Variants in ASAP2 observed in about 807,000 individuals in gnomAD.
The protein encoded by ASAP2 is ArfGAP with SH3 domain, ankyrin repeat and PH domain 2.
In ASAP2, 45 loss-of-function variants were observed where a neutral mutation model predicts 131.4. The ratio of observed to expected loss-of-function variants is 0.34; its 90% CI spans 0.27 to 0.44. The LOEUF is 0.44. Ranked by LOEUF, ASAP2 falls within the 20% of genes least tolerant of loss-of-function variation. ASAP2 has a pLI of 1.00. For missense variants in ASAP2, 1,011 were observed against 1,297.0 expected (o/e 0.78, Z 3.39); for synonymous variants, 510 against 503.0 (o/e 1.01, Z -0.19).
chr2:9,378,397 A>G (rs2148728900), intron 18 of ASAP2, among the ~76,000 whole-genome samples: 1 of 152,314 alleles, frequency 6.6e-6, no homozygotes, highest in South Asian at 2.1e-4. Context: ...TTCAGAGGGT[A>G]TTCCCAGGGC....
intron 1 of ASAP2, among the ~76,000 whole-genome samples, chr2:9,236,945 G>A (rs1173488860): frequency 6.6e-6 from 1 of 152,170 alleles, no homozygotes; most frequent in Admixed American, 6.5e-5. Context: ...GGCTGGTGTG[G>A]GTACCAGGCA....
intron 12 of ASAP2, among the ~76,000 whole-genome samples, chr2:9,354,964 T>C (rs539721288): frequency 9.7e-4 from 148 of 152,342 alleles, no homozygotes; most frequent in Non-Finnish European, 1.2e-3. Context: ...CTGCCCCTGC[T>C]TTTCTTTATT....
intron 6 of ASAP2, among the ~76,000 whole-genome samples, chr2:9,326,394 C>T (rs538508104): frequency 6.6e-6 from 1 of 152,166 alleles, no homozygotes; most frequent in East Asian, 1.9e-4. Context: ...GCTATGGAGC[C>T]CTTTCTTCAA....
intron 1 of ASAP2, among the ~76,000 whole-genome samples, chr2:9,246,464 C>T (rs1346719516): frequency 6.6e-6 from 1 of 151,990 alleles, no homozygotes; most frequent in Non-Finnish European, 1.5e-5. Flanking sequence ...TTTTTTAAAA[C>T]AATTTTTTGT....
chr2:9,349,295 C>A (rs1054127381), intron 11 of ASAP2, among the ~76,000 whole-genome samples: 12 of 152,082 alleles, frequency 7.9e-5, no homozygotes, highest in Non-Finnish European at 1.2e-4. Flanking sequence ...TTGGAAGTAG[C>A]CCTAAAATTT....
chr2:9,272,873 A>G (rs954296276), intron 1 of ASAP2, among the ~76,000 whole-genome samples: 1 of 151,948 alleles, frequency 6.6e-6, no homozygotes, highest in Admixed American at 6.6e-5. Flanking sequence ...AAATGTATGG[A>G]TTTATTTCTG....
chr2:9,351,623 G>A (rs959023304), intron 12 of ASAP2, among the ~76,000 whole-genome samples: 2 of 152,182 alleles, frequency 1.3e-5, no homozygotes, highest in Non-Finnish European at 2.9e-5. Flanking sequence ...AGAGGACCAC[G>A]CCGGACTGTG....
intron 21 of ASAP2, among the ~76,000 whole-genome samples, chr2:9,386,231 T>G (rs570580151): frequency 6.6e-6 from 1 of 152,174 alleles, no homozygotes; most frequent in South Asian, 2.1e-4. Flanking sequence ...GGTAACCAGA[T>G]GGCATTTCTG....
intron 1 of ASAP2, among the ~76,000 whole-genome samples, chr2:9,261,463 A>G (rs1357063116): frequency 6.6e-6 from 1 of 152,234 alleles, no homozygotes; most frequent in Non-Finnish European, 1.5e-5. Context: ...TGCAGTAAAG[A>G]TAATGGAAGT....
intron 24 of ASAP2, chr2:9,399,595 A>G: frequency 5.8e-6 from 1 of 172,828 alleles, no homozygotes. Flanking sequence ...GGGACGGCAG[A>G]GGCATGGACA....
At chr2:9,295,900 A>C (rs1668121198) in intron 2 of ASAP2, among the ~76,000 whole-genome samples, 1 of 152,244 alleles carries the variant, frequency 6.6e-6, no homozygotes, top group Non-Finnish European at 1.5e-5. Context: ...CAGACCATTC[A>C]TAGGTCATAG....
In ASAP2 at chr2:9,404,760, A is replaced by G. The variant is rs1270233477; in HGVS notation, c.*1433A>G. 6.7e-6 allele frequency: 1 copy of G among 148,556 alleles called. No individual in the cohort carries two copies. The highest frequency in any genetic ancestry group is 6.7e-5 in the Admixed American group (1 of 14,904). The allele number at this position is 148,556 out of a possible 1,614,324, so 9.2% of individuals were successfully genotyped here. A position where few individuals can be genotyped will look rare whatever the true frequency, so the allele number is the denominator to read the frequency against. The stretch of plus-strand genomic sequence containing the variant: ...GAGTTTTTTTTTTTTTTGGCATTGT[A>G]CTTTTTGTTTTTGTTATAAAGGAAG... On this transcript the variant is annotated 3_prime_UTR_variant, in exon 28 of 28. Coordinates refer to ENST00000281419, the MANE Select transcript of ASAP2 (RefSeq NM_003887.3).
intron 11 of ASAP2, among the ~76,000 whole-genome samples, chr2:9,349,345 T>C (rs867125533): frequency 4.6e-4 from 70 of 152,212 alleles, no homozygotes; most frequent in Admixed American, 2.1e-3. Context: ...GGTAACAGAA[T>C]AGACACAGGC....
intron 18 of ASAP2, among the ~76,000 whole-genome samples, 159 bp from the exon 19 acceptor site, chr2:9,378,785 G>A (rs558900350): frequency 1.3e-5 from 2 of 152,334 alleles, no homozygotes; most frequent in African/African-American, 2.4e-5. Flanking sequence ...AGGCAGGGAC[G>A]GTGCCAGGTC....
intron 1 of ASAP2, among the ~76,000 whole-genome samples, chr2:9,241,643 A>G (rs890698336): frequency 6.6e-6 from 1 of 152,218 alleles, no homozygotes; most frequent in South Asian, 2.1e-4. Flanking sequence ...ACCAGGCTCA[A>G]ACAACAACAA....
Position 9,404,454 on chromosome 2 carries a change from G to GATT in ASAP2, c.*1129_*1131dup, listed in dbSNP as rs1677019376. 1 of 152,166 alleles carries GATT rather than the reference G, an allele frequency of 6.6e-6. No homozygotes were observed. Among genetic ancestry groups the GATT allele is most frequent in the Admixed American group, 6.5e-5 (1 of 15,280 alleles). 9.4% of individuals were successfully genotyped at this position (152,166 alleles called of 1,614,324 possible). A position where few individuals can be genotyped will look rare whatever the true frequency, so the allele number is the denominator to read the frequency against. On this transcript the variant is annotated 3_prime_UTR_variant, in exon 28 of 28. Coordinates refer to ENST00000281419, the MANE Select transcript of ASAP2 (RefSeq NM_003887.3). ...TAAGCTACTTGGGGTGGTAGTAGAGGATTAGGTTGTCTATTATAAAACCAA... is the reference window on the plus strand; with the variant it reads ...TAAGCTACTTGGGGTGGTAGTAGAGGATTATTAGGTTGTCTATTATAAAACCAA...
rs1367017382 is a variant in ASAP2, at chr2:9,343,572, G to A, written c.850-960G>A. On this transcript the variant is annotated intron_variant, in intron 9 of 27. Coordinates refer to ENST00000281419, the MANE Select transcript of ASAP2 (RefSeq NM_003887.3). ...AGCAGTCCTCCTGCTTCAGCCTCCC[G>A]CATACCTGGGACTACCAGCGCCTGC... Among the ~76,000 whole-genome samples, 5 of 152,086 alleles carry A rather than the reference G, an allele frequency of 3.3e-5. No homozygotes were observed. In the East Asian group the frequency reaches 5.8e-4, roughly 18 times the overall value.
intron 1 of ASAP2, among the ~76,000 whole-genome samples, chr2:9,263,059 A>G (rs989504685): frequency 2.3e-4 from 35 of 150,968 alleles, no homozygotes; most frequent in Non-Finnish European, 4.9e-4. Context: ...ACCTTCCCAG[A>G]CTCTGAGCTC....
At chr2:9,386,596 TATGTGTGAAG>T (rs1258942103) in intron 21 of ASAP2, among the ~76,000 whole-genome samples, 21 of 152,328 alleles carry the variant, frequency 1.4e-4, no homozygotes, top group African/African-American at 4.8e-4. Context: ...AATTTAGAAA[TATGTGTGAAG>T]AACCACTGGG....
Sources: allele counts gnomAD v4.1 joint callset (sites outside exome capture counted in the v4.1 genomes callset), GRCh38; gene constraint gnomAD v4.1.1; transcripts MANE v1.5; gene names NCBI Gene and HGNC (gene_info 2026-07-23, HGNC 2026-07-21).